N4BP3: variants seen among roughly 807,000 people sequenced by gnomAD.
N4BP3 encodes NEDD4-binding protein 3.
In N4BP3, 33 loss-of-function variants were observed where a neutral mutation model predicts 43.8. The observed-to-expected ratio is 0.75, with a 90% CI of 0.57 to 1.01. The LOEUF (loss-of-function observed/expected upper bound fraction) is 1.01. Among genes scored for constraint, N4BP3 ranks in the 50% least tolerant of loss-of-function variants. The pLI is 0.00. For synonymous variants in N4BP3, 326 were observed against 321.9 expected, an observed-to-expected ratio of 1.01 and a Z score of -0.14; for missense variants, 756 against 744.2, an observed-to-expected ratio of 1.02 and a Z score of -0.18.
intron 1 of N4BP3, among the ~76,000 whole-genome samples, chr5:178,115,485 C>T (rs567126004): frequency 6.6e-6 from 1 of 152,228 alleles, no homozygotes; most frequent in East Asian, 1.9e-4. Context: ...GTAGCCAGGG[C>T]AGGCAGCACT....
At chr5:178,116,097 G>A (rs1004366613) in intron 1 of N4BP3, among the ~76,000 whole-genome samples, 4 of 152,146 alleles carry the variant, frequency 2.6e-5, no homozygotes, top group South Asian at 2.1e-4. Context: ...CAGGGTCCCC[G>A]GCTTTTTGCT....
chr5:178,115,654 A>C (rs1296621758), intron 1 of N4BP3, among the ~76,000 whole-genome samples: 1 of 152,216 alleles, frequency 6.6e-6, no homozygotes, highest in Non-Finnish European at 1.5e-5. Context: ...CCTCTTGTGA[A>C]GTGGGGGATG....
intron 2 of N4BP3, 117 bp downstream of exon 2, chr5:178,120,030 G>A (rs1757875256): frequency 3.4e-6 from 5 of 1,468,536 alleles, no homozygotes; most frequent in Non-Finnish European, 4.6e-6. Flanking sequence ...CGTGCTATGG[G>A]CTGGCCTGAG....
intron 1 of N4BP3, among the ~76,000 whole-genome samples, chr5:178,119,156 G>A (rs774349729): frequency 4.6e-5 from 7 of 152,138 alleles, no homozygotes; most frequent in Non-Finnish European, 8.8e-5. Context: ...GAGCCACCGC[G>A]CCCGGCCAAG....
rs760720471 is a variant in N4BP3 at position 178,121,799 on chromosome 5, G to A, written c.1433G>A (p.Arg478Gln). ...LRAELLQERLRGQEQALRFEQ... is the reference protein window; with the variant it reads ...LRAELLQERLQGQEQALRFEQ... ...GCTGAGCTGCTGCAGGAGCGACTTC[G>A]GGGCCAGGAGCAGGCGCTGCGCTTT... Residue 478 changes from arginine (R) to glutamine (Q), a missense_variant, in exon 5 of 5, where the codon CGG becomes CAG. Arg to Gln is a conservative substitution (Grantham distance 43). Transcript: ENST00000274605. The A allele has an allele frequency of 2.5e-6, 4 of 1,608,882 alleles. No homozygotes were observed. In the South Asian group the frequency reaches 3.3e-5, roughly 13 times the overall value.
intron 3 of N4BP3, 43 bp downstream of exon 3, chr5:178,120,742 A>G (rs1411682001): frequency 1.3e-5 from 20 of 1,519,988 alleles, no homozygotes; most frequent in Non-Finnish European, 1.8e-5. Context: ...GTGCCTCAGC[A>G]CTGGGGTACA....
In N4BP3 at chr5:178,120,660, G is replaced by C. The variant is rs766524163; in HGVS notation, c.813G>C (p.Arg271Ser). The change falls in exon 3 of 5, where the codon AGG (arginine) becomes AGC (serine). Residue 271 changes from arginine (R) to serine (S), a missense_variant. Arg to Ser is a moderately radical substitution (Grantham distance 110). Transcript: ENST00000274605. ...CCGAGACCTGTGAGGAGCTCAAGAG[G>C]GGCCTTGGCGATGAGGACGGCTCCA... ...VLPETCEELKRGLGDEDGSNP... is the reference protein window; with the variant it reads ...VLPETCEELKSGLGDEDGSNP... 1 of 1,602,930 alleles carries C rather than the reference G, an allele frequency of 6.2e-7. No homozygotes were observed. Among genetic ancestry groups the C allele is most frequent in the African/African-American group, 1.3e-5 (1 of 74,934 alleles).
In N4BP3 at chr5:178,121,798, C is replaced by A; in HGVS notation, c.1432C>A (p.Arg478=). The change falls in exon 5 of 5, where the codon CGG becomes AGG. Residue 478 remains arginine (R), a synonymous_variant. Coordinates refer to ENST00000274605, the MANE Select transcript of N4BP3 (RefSeq NM_015111.2). Reference sequence around the variant, plus strand: ...GGCTGAGCTGCTGCAGGAGCGACTTCGGGGCCAGGAGCAGGCGCTGCGCTT... The same window carrying A: ...GGCTGAGCTGCTGCAGGAGCGACTTAGGGGCCAGGAGCAGGCGCTGCGCTT... The part of the protein sequence containing the change: ...LRAELLQERL[R]GQEQALRFEQ... 1 of 1,608,944 alleles carries A rather than the reference C, an allele frequency of 6.2e-7. No individual in the cohort carries two copies.
rs926641674 is a variant in N4BP3, at chr5:178,118,171, G to A, written c.-30-1383G>A. Among the ~76,000 whole-genome samples, 1 of 152,202 alleles carries A rather than the reference G, an allele frequency of 6.6e-6. No homozygotes were observed. Among genetic ancestry groups the A allele is most frequent in the Non-Finnish European group, 1.5e-5 (1 of 68,032 alleles). On this transcript the variant is annotated intron_variant, in intron 1 of 4. Transcript: ENST00000274605. This position sits in a 1 kb window ranked among gnomAD's most constrained non-coding sequence, Gnocchi z 5.4. The stretch of plus-strand genomic sequence containing the variant: ...ACTGGGCTGTGCAGAGGATCCCCAG[G>A]GGACTAGGTACCAGCCCTGCCTCCA...
chr5:178,116,572 T>C (rs1454414761), intron 1 of N4BP3, among the ~76,000 whole-genome samples: 1 of 152,110 alleles, frequency 6.6e-6, no homozygotes, highest in Non-Finnish European at 1.5e-5. Flanking sequence ...AGCTGTATGA[T>C]TGTGTTTGCT....
At chr5:178,126,842 CTTTG>C (rs916473898), downstream of N4BP3, among the ~76,000 whole-genome samples, 1 of 152,166 alleles carries the variant, frequency 6.6e-6, no homozygotes, top group Non-Finnish European at 1.5e-5. Context: ...ACAAGACAGC[CTTTG>C]TTTGCCATGC....
In N4BP3 at chr5:178,123,412, A is replaced by C. The variant is rs1223364261; in HGVS notation, c.*1411A>C. 6.6e-6 allele frequency: 1 copy of C among 152,260 alleles called. No individual in the cohort carries two copies. The highest frequency in any genetic ancestry group is 6.5e-5 in the Admixed American group (1 of 15,288). 9.4% of individuals were successfully genotyped at this position (152,260 alleles called of 1,614,324 possible). A position where few individuals can be genotyped will look rare whatever the true frequency, so the allele number is the denominator to read the frequency against. On this transcript the variant is annotated 3_prime_UTR_variant, in exon 5 of 5. Coordinates refer to ENST00000274605, the MANE Select transcript of N4BP3 (RefSeq NM_015111.2). ...GGGCCCTGCACACTGATGTCAGCTC[A>C]CCAGTCTCTTCCCTGACAGGGCAGC...
chr5:178,120,029 G>C (rs1042339249), intron 2 of N4BP3, 116 bp downstream of exon 2: 1 of 1,470,296 alleles, frequency 6.8e-7, no homozygotes, highest in Admixed American at 2.3e-5. Context: ...TCGTGCTATG[G>C]GCTGGCCTGA....
rs1757923439 is a variant in N4BP3 at position 178,121,536 on chromosome 5, A to ACTGGCC, written c.1172_1177dup (p.Leu391_Ala392dup). 2 of 1,613,756 alleles carry ACTGGCC rather than the reference A, an allele frequency of 1.2e-6. No individual in the cohort carries two copies. The highest frequency in any genetic ancestry group is 1.7e-6 in the Non-Finnish European group (2 of 1,180,024). On this transcript the variant is annotated inframe_insertion, in exon 5 of 5. Coordinates refer to ENST00000274605, the MANE Select transcript of N4BP3 (RefSeq NM_015111.2). Reference sequence around the variant, plus strand: ...AGCAGCTGCGTGAAGCCCAGGCGGAACTGGCCCAGAAGCTGGCGGAGATCT... The same window carrying ACTGGCC: ...AGCAGCTGCGTGAAGCCCAGGCGGAACTGGCCCTGGCCCAGAAGCTGGCGGAGATCT...
chr5:178,114,477 G>A (rs1326299161), intron 1 of N4BP3, among the ~76,000 whole-genome samples: 1 of 152,230 alleles, frequency 6.6e-6, no homozygotes, highest in Non-Finnish European at 1.5e-5. Flanking sequence ...CCCAAGTGAG[G>A]GCTGGCCTGG....
At position 178,121,814 on chromosome 5, in the gene N4BP3, C is replaced by T. The variant is rs142072093; in HGVS notation, c.1448C>T (p.Ala483Val). The T allele has an allele frequency of 2.0e-4, 321 of 1,608,744 alleles. 2 individuals carry two copies. Among genetic ancestry groups the T allele is most frequent in the African/African-American group, 4.0e-5 (3 of 75,034 alleles). The change falls in exon 5 of 5, where the codon GCG becomes GTG. Residue 483 changes from alanine (A) to valine (V), a missense_variant. Ala to Val is a moderately conservative substitution (Grantham distance 64, BLOSUM62 0). Transcript: ENST00000274605. ...LQERLRGQEQ[A>V]LRFEQERRTW... ...GAGCGACTTCGGGGCCAGGAGCAGG[C>T]GCTGCGCTTTGAGCAGGAGCGGCGG...
Position 178,121,345 on chromosome 5 carries a change from G to C in N4BP3, c.1100G>C (p.Arg367Pro), listed in dbSNP as rs747113970. The change falls in exon 4 of 5, where the codon CGA becomes CCA. Residue 367 changes from arginine to proline, a missense_variant. Arg to Pro is a moderately radical substitution (Grantham distance 103). Transcript: ENST00000274605. The stretch of plus-strand genomic sequence containing the variant: ...AGTGCACGACCAGAGGAGGAAGCCC[G>C]ATGGGAGGTGAGAGATGACACAGGG... ...DPSARPEEEA[R>P]WEVCQKTAEI... 7 of 1,601,136 alleles carry C rather than the reference G, an allele frequency of 4.4e-6. No individual in the cohort carries two copies. In the South Asian group the frequency reaches 4.5e-5, roughly 10 times the overall value.
rs767641359 is a variant in N4BP3, at chr5:178,119,885, C to T, written c.302C>T (p.Ser101Leu). Residue 101 changes from serine (S) to leucine (L), a missense_variant, in exon 2 of 5, where the codon TCG (serine) becomes TTG (leucine). Coordinates refer to ENST00000274605, the MANE Select transcript of N4BP3 (RefSeq NM_015111.2). ...HSRAGDFSKT[S>L]LPERGRFDKC... ...CGCGCGGGTGACTTCAGCAAGACCT[C>T]GCTGCCAGAACGGGGTCGCTTTGAC... is the stretch of plus-strand genomic sequence containing the variant. 3 of 1,610,608 alleles carry T rather than the reference C, an allele frequency of 1.9e-6. No individual in the cohort carries two copies. Among genetic ancestry groups the T allele is most frequent in the South Asian group, 1.1e-5 (1 of 91,014 alleles).
At position 178,121,793 on chromosome 5, in the gene N4BP3, G is replaced by A. The variant is rs1757935280; in HGVS notation, c.1427G>A (p.Arg476Gln). The change falls in exon 5 of 5, where the codon CGA becomes CAA. Residue 476 changes from arginine to glutamine, a missense_variant. Coordinates refer to ENST00000274605, the MANE Select transcript of N4BP3 (RefSeq NM_015111.2). ...CTGCGGGCTGAGCTGCTGCAGGAGC[G>A]ACTTCGGGGCCAGGAGCAGGCGCTG... ...EQLRAELLQE[R>Q]LRGQEQALRF... 1 of 1,608,842 alleles carries A rather than the reference G, an allele frequency of 6.2e-7. No homozygotes were observed. Among genetic ancestry groups the A allele is most frequent in the African/African-American group, 1.3e-5 (1 of 75,050 alleles).
Sources: allele counts gnomAD v4.1 joint callset (sites outside exome capture counted in the v4.1 genomes callset), GRCh38; gene constraint gnomAD v4.1.1; non-coding constraint Gnocchi (gnomAD v3.1); transcripts MANE v1.5; gene names NCBI Gene and HGNC (gene_info 2026-07-23, HGNC 2026-07-21).